DCBLD2: variants seen among roughly 807,000 people sequenced by gnomAD.
DCBLD2 encodes discoidin, CUB and LCCL domain containing 2, also known as discoidin, CUB and LCCL domain-containing protein 2.
Under a neutral mutation model 86.8 loss-of-function variants are expected in DCBLD2, and 54 were observed. The ratio of observed to expected loss-of-function variants is 0.62; its 90% CI spans 0.50 to 0.78. The LOEUF (loss-of-function observed/expected upper bound fraction) is 0.78. DCBLD2 is among the 30% of genes least tolerant of loss of function. The pLI, the probability that DCBLD2 is intolerant of heterozygous loss-of-function variation, is 0.00. For synonymous variants in DCBLD2, 354 were observed against 341.3 expected (o/e 1.04, Z -0.41); for missense variants, 908 against 954.2 (o/e 0.95, Z 0.64).
At chr3:98,880,722 G>T (rs145322292) in intron 2 of DCBLD2, among the ~76,000 whole-genome samples, 75 of 152,168 alleles carry the variant, frequency 4.9e-4, no homozygotes, top group Admixed American at 8.5e-4. Context: ...TTCTAAGCAC[G>T]TTACACATAC....
intron 2 of DCBLD2, among the ~76,000 whole-genome samples, chr3:98,877,940 G>A (rs1943398882): frequency 6.6e-6 from 1 of 152,082 alleles, no homozygotes; most frequent in Non-Finnish European, 1.5e-5. Context: ...ATAAGTGATG[G>A]CCTAACACAG....
Position 98,901,333 on chromosome 3 carries a change from G to C in DCBLD2, c.-7C>G. 2 of 1,400,604 alleles carry C rather than the reference G, an allele frequency of 1.4e-6. No homozygotes were observed. The highest frequency in any genetic ancestry group is 3.2e-5 in the South Asian group (2 of 62,012). The allele number at this position is 1,400,604 out of a possible 1,614,324, so 86.8% of individuals were successfully genotyped here. On this transcript the variant is annotated 5_prime_UTR_variant, in exon 1 of 16. Transcript: ENST00000326840. Reference sequence around the variant, plus strand: ...CCACCGCCCGGCTCGCCATCGCGGCGGCCGGCAGTCTGCCTGCATAGTGCG... The same window carrying C: ...CCACCGCCCGGCTCGCCATCGCGGCCGCCGGCAGTCTGCCTGCATAGTGCG...
intron 2 of DCBLD2, among the ~76,000 whole-genome samples, chr3:98,873,254 A>AACC (rs1484624495): frequency 6.6e-6 from 1 of 152,152 alleles, no homozygotes; most frequent in African/African-American, 2.4e-5. Context: ...AAAGAGAAAG[A>AACC]ACCACACCAA....
chr3:98,855,322 T>C (rs1380090638), intron 2 of DCBLD2, among the ~76,000 whole-genome samples: 1 of 152,072 alleles, frequency 6.6e-6, no homozygotes, highest in Non-Finnish European at 1.5e-5. Context: ...ACAGTTAACA[T>C]GGAGAAAAGC....
intron 3 of DCBLD2, among the ~76,000 whole-genome samples, chr3:98,832,563 G>A (rs1474318233): frequency 1.3e-5 from 2 of 152,146 alleles, no homozygotes; most frequent in African/African-American, 4.8e-5. Flanking sequence ...TATTTTCCTA[G>A]TGGTGTTTTA....
intron 13 of DCBLD2, 36 bp from the exon 14 acceptor site, chr3:98,801,685 T>A (rs1420069909): frequency 1.3e-6 from 2 of 1,544,398 alleles, no homozygotes; most frequent in Non-Finnish European, 1.8e-6. Flanking sequence ...GCAAACAGAG[T>A]AAATTCACTG....
chr3:98,818,541 A>T (rs1421358637), intron 8 of DCBLD2, among the ~76,000 whole-genome samples: 1 of 152,204 alleles, frequency 6.6e-6, no homozygotes, highest in Non-Finnish European at 1.5e-5. Context: ...TTGAAGGATG[A>T]AAAGTATTGT....
At chr3:98,870,502 A>G (rs1348541503) in intron 2 of DCBLD2, among the ~76,000 whole-genome samples, 7 of 151,746 alleles carry the variant, frequency 4.6e-5, no homozygotes, top group Non-Finnish European at 7.4e-5. Context: ...ATATGATGGC[A>G]CACACCTGTA....
At chr3:98,841,845 G>C (rs541339819) in intron 3 of DCBLD2, among the ~76,000 whole-genome samples, 1 of 152,060 alleles carries the variant, frequency 6.6e-6, no homozygotes, top group African/African-American at 2.4e-5. Context: ...GGCAGATCAC[G>C]AGGTCAGGAG....
chr3:98,832,618 G>A (rs766796131), intron 3 of DCBLD2, among the ~76,000 whole-genome samples: 3 of 152,164 alleles, frequency 2.0e-5, no homozygotes, highest in Non-Finnish European at 4.4e-5. Flanking sequence ...AAGATGTCTT[G>A]AAAGGTGGGT....
intron 3 of DCBLD2, 140 bp downstream of exon 3, chr3:98,849,321 T>C: frequency 4.7e-6 from 5 of 1,067,004 alleles, no homozygotes; most frequent in Non-Finnish European, 6.9e-6. Context: ...ACCTTATTTG[T>C]CAAATTTATA....
chr3:98,808,068 G>A lies in DCBLD2; in HGVS notation c.1670+13C>T. On this transcript the variant is annotated intron_variant, in intron 13 of 15. Coordinates refer to ENST00000326840, the MANE Select transcript of DCBLD2 (RefSeq NM_080927.4). ...GGTAGTTTTGGACTCAGGTGAACTAGTTATGTACTAACCTGTTTCTCCAGT... is the reference window on the plus strand; with the variant it reads ...GGTAGTTTTGGACTCAGGTGAACTAATTATGTACTAACCTGTTTCTCCAGT... 6.4e-7 allele frequency: 1 copy of A among 1,562,508 alleles called. No homozygotes were observed. The highest frequency in any genetic ancestry group is 8.6e-7 in the Non-Finnish European group (1 of 1,157,488).
chr3:98,825,643 T>TATATATATATATATATATATA (rs1942202476), intron 3 of DCBLD2, among the ~76,000 whole-genome samples: 3 of 115,100 alleles, frequency 2.6e-5, no homozygotes, highest in Admixed American at 1.1e-4. Context: ...ATATGTGTAT[T>TATATATATATATATATATATA]TATATATATA....
chr3:98,890,958 G>A (rs1943650221), intron 1 of DCBLD2, among the ~76,000 whole-genome samples: 1 of 152,044 alleles, frequency 6.6e-6, no homozygotes, highest in African/African-American at 2.4e-5. Flanking sequence ...AACTCCACAT[G>A]TCCTACGCAT....
intron 3 of DCBLD2, among the ~76,000 whole-genome samples, chr3:98,827,784 T>C (rs1195119979): frequency 3.3e-5 from 5 of 152,232 alleles, no homozygotes; most frequent in South Asian, 4.1e-4. Context: ...TTCCAGAAAA[T>C]TGTCATTACT....
chr3:98,848,967 C>A (rs542145431), intron 3 of DCBLD2, among the ~76,000 whole-genome samples: 1 of 152,084 alleles, frequency 6.6e-6, no homozygotes, highest in African/African-American at 2.4e-5. Context: ...GTCAGGAGTT[C>A]GAGACCAGCC....
At chr3:98,882,986 G>C (rs1157456300) in intron 1 of DCBLD2, among the ~76,000 whole-genome samples, 3 of 152,138 alleles carry the variant, frequency 2.0e-5, no homozygotes, top group African/African-American at 7.2e-5. Context: ...AGATCCTTGA[G>C]GAATCGCCAC....
Position 98,797,365 on chromosome 3 carries a change from ACTT to A in DCBLD2, c.*2004_*2006del, listed in dbSNP as rs1257090644. The A allele has an allele frequency of 6.6e-6, 1 of 152,462 alleles. No individual in the cohort carries two copies. The highest frequency in any genetic ancestry group is 1.5e-5 in the Non-Finnish European group (1 of 68,014). The allele number at this position is 152,462 out of a possible 1,614,324, so 9.4% of individuals were successfully genotyped here. A position where few individuals can be genotyped will look rare whatever the true frequency, so the allele number is the denominator to read the frequency against. On this transcript the variant is annotated 3_prime_UTR_variant, in exon 16 of 16. Transcript: ENST00000326840. ...TACACAATTAACACAAGAATAGCAA[ACTT>A]CTTTGGGAAAATGAAATAGTTACCA... is the stretch of plus-strand genomic sequence containing the variant.
intron 12 of DCBLD2, among the ~76,000 whole-genome samples, chr3:98,809,391 A>C (rs145865367): frequency 2.0e-4 from 30 of 152,278 alleles, no homozygotes; most frequent in African/African-American, 7.0e-4. Context: ...CTGAAGATAC[A>C]GGAGGGGGAG....
Sources: allele counts gnomAD v4.1 joint callset (sites outside exome capture counted in the v4.1 genomes callset), GRCh38; gene constraint gnomAD v4.1.1; transcripts MANE v1.5; gene names NCBI Gene and HGNC (gene_info 2026-07-23, HGNC 2026-07-21).